Variants in SH3BGRL observed in about 807,000 individuals in gnomAD.
SH3BGRL encodes SH3 domain binding glutamate rich protein like.
SH3BGRL carries 7 observed loss-of-function variants against 9.8 expected under a neutral mutation model. That is an observed-to-expected ratio of 0.72 (90% CI 0.41 to 1.35). The LOEUF is 1.35. Among genes scored for constraint, SH3BGRL ranks in the 40% most tolerant of loss-of-function variants. The pLI is 0.01. For synonymous variants in SH3BGRL, 36 were observed against 29.1 expected (o/e 1.24, Z -0.76); for missense variants, 73 against 84.4 (o/e 0.86, Z 0.53).
chrX:81,279,908 C>T (rs999088441), intron 3 of SH3BGRL, among the ~76,000 whole-genome samples: 17 of 111,704 alleles, frequency 1.5e-4, no homozygotes, highest in Non-Finnish European at 2.8e-4. Flanking sequence ...CCTTTTCTTT[C>T]GCAGCTGGGA....
intron 1 of SH3BGRL, among the ~76,000 whole-genome samples, chrX:81,268,630 CT>C (rs1405164382): frequency 9.0e-6 from 1 of 111,561 alleles, no homozygotes; most frequent in Non-Finnish European, 1.9e-5. Flanking sequence ...GAGTGTTTTA[CT>C]TCTAATTATG....
intron 1 of SH3BGRL, among the ~76,000 whole-genome samples, chrX:81,230,039 C>A (rs1294940529): frequency 9.0e-6 from 1 of 111,511 alleles, no homozygotes; most frequent in African/African-American, 3.3e-5. Flanking sequence ...TGAATTCCAC[C>A]ATTCATAGCT....
intron 3 of SH3BGRL, among the ~76,000 whole-genome samples, chrX:81,290,627 CA>C (rs1006971518): frequency 1.1e-4 from 12 of 110,346 alleles, no homozygotes; most frequent in African/African-American, 4.0e-4. Flanking sequence ...GCACAAAAAA[CA>C]GAAACAATGA....
chrX:81,254,194 G>A (rs901197971), intron 1 of SH3BGRL, among the ~76,000 whole-genome samples: 1 of 112,173 alleles, frequency 8.9e-6, no homozygotes, highest in Non-Finnish European at 1.9e-5. Context: ...ATTCAGTAAT[G>A]AGCCCATAGA....
chrX:81,205,411 T>C (rs1215238435), intron 1 of SH3BGRL, among the ~76,000 whole-genome samples: 1 of 109,053 alleles, frequency 9.2e-6, no homozygotes, highest in Non-Finnish European at 1.9e-5. Context: ...TAACAGAATA[T>C]CATTTTTATG....
intron 1 of SH3BGRL, among the ~76,000 whole-genome samples, chrX:81,218,806 G>T (rs1309503302): frequency 2.9e-5 from 3 of 104,827 alleles, no homozygotes; most frequent in Non-Finnish European, 3.9e-5. Flanking sequence ...TATAGATATA[G>T]ATATAGATAT....
In SH3BGRL at chrX:81,216,837, C is replaced by A. The variant is rs140740713; in HGVS notation, c.45+14592C>A. On this transcript the variant is annotated intron_variant, in intron 1 of 3. Coordinates refer to ENST00000373212, the MANE Select transcript of SH3BGRL (RefSeq NM_003022.3). Reference sequence around the variant, plus strand: ...ATGTGCCACCTTTTCTTTATCCATTCATCTGTCAACGGACACATAAGTTGC... The same window carrying A: ...ATGTGCCACCTTTTCTTTATCCATTAATCTGTCAACGGACACATAAGTTGC... 4.8e-3 allele frequency among the ~76,000 whole-genome samples: 541 copies of A among 111,594 alleles called. 4 individuals are homozygous for A. The highest frequency in any genetic ancestry group is 0.017 in the African/African-American group (521 of 30,788).
chrX:81,297,128 T>A lies in SH3BGRL; in HGVS notation c.313-67T>A, dbSNP rs968996423. On this transcript the variant is annotated intron_variant, in intron 3 of 3. Transcript: ENST00000373212. ...GTAGTTGGAACTAATGTAGTCTGAC[T>A]AAAATACACATGGGTGTCTGCTCTG... is the stretch of plus-strand genomic sequence containing the variant. 7 of 985,405 alleles carry A rather than the reference T, an allele frequency of 7.1e-6. No homozygotes were observed. The African/African-American group carries it at 1.1e-4, about 16-fold the overall frequency. The allele number at this position is 985,405 out of a possible 1,213,427, so 81.2% of individuals were successfully genotyped here. A position where few individuals can be genotyped will look rare whatever the true frequency, so the allele number is the denominator to read the frequency against.
intron 1 of SH3BGRL, among the ~76,000 whole-genome samples, chrX:81,210,989 T>G (rs1240481577): frequency 1.8e-5 from 2 of 112,245 alleles, no homozygotes; most frequent in Non-Finnish European, 3.8e-5. Flanking sequence ...AAAATCATTT[T>G]ATTGCAATCT....
chrX:81,263,737 C>G (rs773514006), intron 1 of SH3BGRL, among the ~76,000 whole-genome samples: 4 of 110,171 alleles, frequency 3.6e-5, no homozygotes, highest in Non-Finnish European at 5.7e-5. Flanking sequence ...TTAAAAAGTT[C>G]GTTGGGCATT....
chrX:81,231,982 A>G (rs2075634343), intron 1 of SH3BGRL, among the ~76,000 whole-genome samples: 1 of 111,304 alleles, frequency 9.0e-6, no homozygotes, highest in African/African-American at 3.3e-5. Flanking sequence ...ACACACACGT[A>G]TATGTATATG....
chrX:81,286,312 G>A (rs2075833707), intron 3 of SH3BGRL, among the ~76,000 whole-genome samples: 1 of 110,076 alleles, frequency 9.1e-6, no homozygotes, highest in Admixed American at 9.7e-5. Context: ...AGAGGGTATG[G>A]GTCAGAGAAA....
chrX:81,207,659 A>G (rs2075551424), intron 1 of SH3BGRL, among the ~76,000 whole-genome samples: 1 of 112,390 alleles, frequency 8.9e-6, no homozygotes, highest in Admixed American at 9.4e-5. Flanking sequence ...TTCATAGAAG[A>G]TGTTCACTTA....
intron 1 of SH3BGRL, among the ~76,000 whole-genome samples, chrX:81,265,600 A>G (rs2075754581): frequency 1.8e-5 from 2 of 111,878 alleles, no homozygotes; most frequent in Non-Finnish European, 3.8e-5. Flanking sequence ...TTCTTAATCC[A>G]GTCTATCATT....
intron 3 of SH3BGRL, among the ~76,000 whole-genome samples, chrX:81,290,676 C>A (rs193152949): frequency 9.1e-6 from 1 of 109,528 alleles, no homozygotes; most frequent in East Asian, 2.9e-4. Flanking sequence ...ATGAAGACTA[C>A]GGTCAAAAAT....
At chrX:81,208,462 T>C (rs766907584) in intron 1 of SH3BGRL, among the ~76,000 whole-genome samples, 1 of 112,247 alleles carries the variant, frequency 8.9e-6, no homozygotes, top group East Asian at 2.8e-4. Context: ...TTATGAAATA[T>C]ATATTGTGCA....
At chrX:81,281,895 A>G (rs991676215) in intron 3 of SH3BGRL, among the ~76,000 whole-genome samples, 1 of 112,222 alleles carries the variant, frequency 8.9e-6, no homozygotes, top group Non-Finnish European at 1.9e-5. Flanking sequence ...ACAGAACTGC[A>G]GAATGGATAA....
intron 1 of SH3BGRL, among the ~76,000 whole-genome samples, chrX:81,234,849 T>C (rs968502637): frequency 1.8e-5 from 2 of 112,059 alleles, no homozygotes; most frequent in Non-Finnish European, 3.8e-5. Context: ...GATTGTGTCT[T>C]AGACTAATGC....
At position 81,297,286 on chromosome X, in the gene SH3BGRL, T is replaced by G. The variant is rs372936888; in HGVS notation, c.*59T>G. On this transcript the variant is annotated 3_prime_UTR_variant, in exon 4 of 4. Transcript: ENST00000373212. ...ATGAGTCTCCATTGCTTTTATAAAA[T>G]AGCAGAATTAGCTTTGCTTCAAAAG... 1.5e-5 allele frequency: 14 copies of G among 938,108 alleles called. No individual in the cohort carries two copies. The highest frequency in any genetic ancestry group is 1.4e-4 in the South Asian group (6 of 42,333). The allele number at this position is 938,108 out of a possible 1,213,427, so 77.3% of individuals were successfully genotyped here. A position where few individuals can be genotyped will look rare whatever the true frequency, so the allele number is the denominator to read the frequency against.
Sources: allele counts gnomAD v4.1 joint callset (sites outside exome capture counted in the v4.1 genomes callset), GRCh38; gene constraint gnomAD v4.1.1; transcripts MANE v1.5; gene names NCBI Gene and HGNC (gene_info 2026-07-23, HGNC 2026-07-21).